The following COPS6 variants were observed in gnomAD, a reference collection of about 807,000 sequenced individuals.
COPS6 encodes COP9 signalosome subunit 6, also known as COP9 signalosome complex subunit 6.
COPS6 carries 9 observed loss-of-function variants against 41.0 expected under a neutral mutation model. That is an observed-to-expected ratio of 0.22 (90% confidence interval 0.13 to 0.38). The LOEUF (loss-of-function observed/expected upper bound fraction) is 0.38, where lower values mean the gene tolerates loss of function less well. COPS6 is among the 10% of genes least tolerant of loss of function. The pLI, the probability that COPS6 is intolerant of heterozygous loss-of-function variation, is 1.00. For missense variants in COPS6, 302 were observed against 436.7 expected (o/e 0.69, Z 2.75); for synonymous variants, 179 against 162.9 (o/e 1.10, Z -0.75).
intron 3 of COPS6, 28 bp downstream of exon 3, chr7:100,089,774 G>A (rs1424186985): frequency 1.9e-6 from 3 of 1,607,774 alleles, no homozygotes; most frequent in Non-Finnish European, 1.7e-6. Flanking sequence ...GTGGGGAAGA[G>A]GAGTGGGAGT....
rs962679458 is a variant in COPS6 at position 100,091,932 on chromosome 7, T to A, written c.*143T>A. 143 of 1,021,420 alleles carry A rather than the reference T, an allele frequency of 1.4e-4. No individual in the cohort carries two copies. The African/African-American group carries it at 2.1e-3, about 15-fold the overall frequency. 63.3% of individuals were successfully genotyped at this position (1,021,420 alleles called of 1,614,324 possible). A position where few individuals can be genotyped will look rare whatever the true frequency, so the allele number is the denominator to read the frequency against. On this transcript the variant is annotated 3_prime_UTR_variant, in exon 10 of 10. Coordinates refer to ENST00000303904, the MANE Select transcript of COPS6 (RefSeq NM_006833.5). The surrounding 1 kb of genome is among the most constrained non-coding windows in gnomAD (Gnocchi z 4.1). ...CCCTGCTGGTGGCTCTGTCCTCTGT[T>A]AGGCACCACACTGGTTGGTCAACTT...
chr7:100,089,993 G>A, intron 3 of COPS6: 1 of 466,456 alleles, frequency 2.1e-6, no homozygotes, highest in Non-Finnish European at 3.8e-6. Flanking sequence ...GATTTGAGGA[G>A]GGAGGAGAGA....
At position 100,090,654 on chromosome 7, in the gene COPS6, TGTGA is replaced by T; in HGVS notation, c.486+3_486+6del. ...TGAACCCTATGACCAAGCACACAGA[TGTGA>T]GTAATACTCCATGCCTACTCTGTCA... is the stretch of plus-strand genomic sequence containing the variant. On this transcript the variant is annotated splice_donor_variant and splice_donor_region_variant and intron_variant, in intron 5 of 9. Coordinates refer to ENST00000303904, the MANE Select transcript of COPS6 (RefSeq NM_006833.5). LOFTEE classifies it high-confidence loss of function. The T allele has an allele frequency of 4.3e-6, 7 of 1,613,182 alleles. No individual in the cohort carries two copies. Among genetic ancestry groups the T allele is most frequent in the East Asian group, 2.2e-5 (1 of 44,876 alleles).
chr7:100,091,838 A>T lies in COPS6; in HGVS notation c.*49A>T, dbSNP rs1386128476. 1 of 1,611,816 alleles carries T rather than the reference A, an allele frequency of 6.2e-7. No individual in the cohort carries two copies. Among genetic ancestry groups the T allele is most frequent in the South Asian group, 1.1e-5 (1 of 90,982 alleles). On this transcript the variant is annotated 3_prime_UTR_variant, in exon 10 of 10. Coordinates refer to ENST00000303904, the MANE Select transcript of COPS6 (RefSeq NM_006833.5). This position sits in a 1 kb window ranked among gnomAD's most constrained non-coding sequence, Gnocchi z 4.1. ...GACAGGGGTCAGGCAACTATCCCAAAGGGGAGGGCACTACACTTCCTTGAG... is the reference window on the plus strand; with the variant it reads ...GACAGGGGTCAGGCAACTATCCCAATGGGGAGGGCACTACACTTCCTTGAG...
At chr7:100,089,158 G>A (rs541616316) in intron 1 of COPS6, 92 bp downstream of exon 1, 3 of 1,504,774 alleles carry the variant, frequency 2.0e-6, no homozygotes, top group South Asian at 2.7e-5. Flanking sequence ...GGAGGGCGGA[G>A]CAGCAACATC....
chr7:100,090,205 T>A, intron 3 of COPS6, 194 bp from the exon 4 acceptor site: 1 of 578,508 alleles, frequency 1.7e-6, no homozygotes, highest in Non-Finnish European at 3.1e-6. Context: ...AAAATTAGTC[T>A]GGCATGGTGG....
In COPS6 at chr7:100,091,847, C is replaced by T; in HGVS notation, c.*58C>T. The T allele has an allele frequency of 6.2e-7, 1 of 1,604,574 alleles. No homozygotes were observed. The highest frequency in any genetic ancestry group is 8.5e-7 in the Non-Finnish European group (1 of 1,172,772). On this transcript the variant is annotated 3_prime_UTR_variant, in exon 10 of 10. Transcript: ENST00000303904. This position sits in a 1 kb window ranked among gnomAD's most constrained non-coding sequence, Gnocchi z 4.1. ...CAGGCAACTATCCCAAAGGGGAGGG[C>T]ACTACACTTCCTTGAGAGAAACCGC...
chr7:100,089,183 G>A (rs915736840), intron 1 of COPS6, 107 bp from the exon 2 acceptor site: 1 of 1,524,396 alleles, frequency 6.6e-7, no homozygotes, highest in Middle Eastern at 1.8e-4. Flanking sequence ...CCTGGGATAA[G>A]TTACGGGAGG....
rs1358002989 is a variant in COPS6, at chr7:100,089,667, C to T, written c.255C>T (p.Asn85=). The change falls in exon 3 of 10, where the codon AAC becomes AAT. Residue 85 remains asparagine, a synonymous_variant. Coordinates refer to ENST00000303904, the MANE Select transcript of COPS6 (RefSeq NM_006833.5). ...KQEGRNIEVM[N]SFELLSHTVE... is the part of the protein sequence containing the mutation. ...AGGGCCGAAATATCGAGGTGATGAA[C>T]TCCTTTGAGCTGCTGTCCCACACCG... The T allele has an allele frequency of 4.3e-6, 7 of 1,613,626 alleles. No homozygotes were observed. The East Asian group carries it at 1.1e-4, about 26-fold the overall frequency.
At chr7:100,089,491 A>G (rs952972028) in intron 2 of COPS6, 76 bp downstream of exon 2, 1 of 1,604,584 alleles carries the variant, frequency 6.2e-7, no homozygotes, top group Non-Finnish European at 8.5e-7. Flanking sequence ...CCCTTCCTCT[A>G]CTGGAGCCAA....
rs1466031667 is a variant in COPS6 at position 100,091,890 on chromosome 7, G to T, written c.*101G>T. On this transcript the variant is annotated 3_prime_UTR_variant, in exon 10 of 10. Coordinates refer to ENST00000303904, the MANE Select transcript of COPS6 (RefSeq NM_006833.5). This position sits in a 1 kb window ranked among gnomAD's most constrained non-coding sequence, Gnocchi z 4.1. ...GAAACCGCTGTCATTAATAAAAGGG[G>T]AGCAGCCCCTGAGCACCCCTGCTGG... The T allele has an allele frequency of 1.3e-6, 2 of 1,503,178 alleles. No homozygotes were observed. The highest frequency in any genetic ancestry group is 2.0e-4 in the Middle Eastern group (1 of 4,936). 93.1% of individuals were successfully genotyped at this position (1,503,178 alleles called of 1,614,324 possible). A position where few individuals can be genotyped will look rare whatever the true frequency, so the allele number is the denominator to read the frequency against.
chr7:100,090,585 C>T lies in COPS6; in HGVS notation c.424-7C>T. On this transcript the variant is annotated splice_region_variant and splice_polypyrimidine_tract_variant and intron_variant, in intron 4 of 9. Coordinates refer to ENST00000303904, the MANE Select transcript of COPS6 (RefSeq NM_006833.5). ...CTGACTTCCTGTGCATTGTCCCTCT[C>T]TTCCAGGTGTGTGAGATCATCGAGA... The T allele has an allele frequency of 6.2e-7, 1 of 1,614,088 alleles. No individual in the cohort carries two copies.
chr7:100,090,726 G>T, intron 5 of COPS6, 72 bp downstream of exon 5: 2 of 1,512,232 alleles, frequency 1.3e-6, no homozygotes, highest in East Asian at 2.3e-5. Flanking sequence ...TCCTCTATTG[G>T]GGAATGCCAG....
intron 3 of COPS6, 92 bp downstream of exon 3, chr7:100,089,838 A>C (rs1277803456): frequency 2.3e-6 from 3 of 1,288,768 alleles, no homozygotes; most frequent in Non-Finnish European, 3.2e-6. Flanking sequence ...AAGAAACAGG[A>C]GAGGAGACCA....
intron 5 of COPS6, 25 bp downstream of exon 5, chr7:100,090,679 T>C (rs764026958): frequency 1.2e-6 from 2 of 1,603,032 alleles, no homozygotes; most frequent in Admixed American, 1.7e-5. Flanking sequence ...ATGCCTACTC[T>C]GTCATGATTG....
Position 100,090,647 on chromosome 7 carries a change from A to G in COPS6, c.479A>G (p.His160Arg). The G allele has an allele frequency of 6.2e-7, 1 of 1,613,730 alleles. No homozygotes were observed. The highest frequency in any genetic ancestry group is 8.5e-7 in the Non-Finnish European group (1 of 1,179,646). ...LFLKLNPMTK[H>R]TDLPVSVFES... ...CTGAAGTTGAACCCTATGACCAAGC[A>G]CACAGATGTGAGTAATACTCCATGC... The change falls in exon 5 of 10, where the codon CAC becomes CGC. Residue 160 changes from histidine to arginine, a missense_variant. Around this residue, in one of 3 missense-constraint regions of COPS6, gnomAD observed 222 missense variants for 309.0 expected, o/e 0.72. Coordinates refer to ENST00000303904, the MANE Select transcript of COPS6 (RefSeq NM_006833.5).
Position 100,091,355 on chromosome 7 carries a change from T to A in COPS6, c.742+25T>A. On this transcript the variant is annotated intron_variant, in intron 8 of 9. Coordinates refer to ENST00000303904, the MANE Select transcript of COPS6 (RefSeq NM_006833.5). The surrounding 1 kb of genome is among the most constrained non-coding windows in gnomAD (Gnocchi z 4.1). ...GGTAGGACAGGGGCTTCCCTGGCATTCTTCCTCTCCCTCCTGGGGAAGTGA... is the reference window on the plus strand; with the variant it reads ...GGTAGGACAGGGGCTTCCCTGGCATACTTCCTCTCCCTCCTGGGGAAGTGA... The A allele has an allele frequency of 1.2e-6, 2 of 1,613,726 alleles. No homozygotes were observed. Among genetic ancestry groups the A allele is most frequent in the Non-Finnish European group, 1.7e-6 (2 of 1,179,632 alleles).
At chr7:100,090,851 C>T (rs371474312) in intron 5 of COPS6, 51 bp from the exon 6 acceptor site, 2 of 1,599,460 alleles carry the variant, frequency 1.3e-6, no homozygotes, top group Admixed American at 1.7e-5. Context: ...GTAAAAGCAG[C>T]TAGCCCAAAT....
intron 5 of COPS6, 121 bp downstream of exon 5, chr7:100,090,775 A>G: frequency 6.2e-6 from 9 of 1,451,614 alleles, no homozygotes; most frequent in East Asian, 2.3e-5. Flanking sequence ...TAGTCATTTA[A>G]TCTCCAAACT....
Sources: allele counts gnomAD v4.1 joint callset, GRCh38; gene constraint gnomAD v4.1.1; regional missense constraint gnomAD v4.1.1; non-coding constraint Gnocchi (gnomAD v3.1); transcripts MANE v1.5; gene names NCBI Gene and HGNC (gene_info 2026-07-23, HGNC 2026-07-21).